Variants in PCDH15 observed in about 807,000 individuals in gnomAD.
The protein encoded by PCDH15 is protocadherin related 15.
In PCDH15, 129 loss-of-function variants were observed where a neutral mutation model predicts 178.5. The observed-to-expected ratio is 0.72, with a 90% confidence interval of 0.63 to 0.84. The LOEUF is 0.84. Among genes scored for constraint, PCDH15 ranks in the 40% least tolerant of loss-of-function variants. The probability of loss-of-function intolerance (pLI) is 0.00; values close to 1 mark genes in which losing one functional copy is unlikely to be tolerated. For synonymous variants in PCDH15, 800 were observed against 732.0 expected (o/e 1.09, Z -1.50); for missense variants, 2,230 against 2,099.9 (o/e 1.06, Z -1.21).
In PCDH15 at chr10:54,111,414, G is replaced by T. The variant is rs996200442; in HGVS notation, c.1918-21351C>A. ...TAGTTTAACTCTGTTCAATTAGAAA[G>T]GAAAAAAAAAATAACCAAGAAACAA... On this transcript the variant is annotated intron_variant, in intron 15 of 37. Transcript: ENST00000644397. Among the ~76,000 whole-genome samples the T allele has an allele frequency of 2.6e-5, 4 of 151,134 alleles. No individual in the cohort carries two copies. In the East Asian group the frequency reaches 7.7e-4, roughly 29 times the overall value.
intron 11 of PCDH15, 141 bp downstream of exon 11, chr10:54,195,542 T>C: frequency 2.9e-6 from 2 of 691,104 alleles, no homozygotes; most frequent in Non-Finnish European, 4.9e-6. Flanking sequence ...GTTTTGGAAT[T>C]AAATTATAAC....
intron 18 of PCDH15, among the ~76,000 whole-genome samples, chr10:54,056,045 A>G (rs940678765): frequency 1.3e-5 from 2 of 152,228 alleles, no homozygotes; most frequent in East Asian, 1.9e-4. Context: ...GAAATCCTTC[A>G]ATTCTCTTTT....
At chr10:55,613,812 C>T (rs1189884348) in intron 2 of PCDH15, among the ~76,000 whole-genome samples, 1 of 152,098 alleles carries the variant, frequency 6.6e-6, no homozygotes, top group East Asian at 1.9e-4. Context: ...TTACTGAATA[C>T]ATTTTTAGCC....
chr10:53,934,734 G>A (rs985021615), intron 25 of PCDH15, among the ~76,000 whole-genome samples: 1 of 151,990 alleles, frequency 6.6e-6, no homozygotes, highest in Non-Finnish European at 1.5e-5. Context: ...TCATGGCTAG[G>A]CCTGTTAAAA....
At chr10:55,173,781 C>T (rs532500504) in intron 1 of PCDH15, among the ~76,000 whole-genome samples, 46 of 152,096 alleles carry the variant, frequency 3.0e-4, no homozygotes, top group African/African-American at 1.1e-3. Flanking sequence ...TATCATTTTT[C>T]CTTTGCGTTT....
intron 37 of PCDH15, among the ~76,000 whole-genome samples, chr10:53,809,843 CTCTT>C (rs1379030686): frequency 6.6e-6 from 1 of 152,168 alleles, no homozygotes; most frequent in Non-Finnish European, 1.5e-5. Flanking sequence ...GAATTATTGT[CTCTT>C]CCTTCCTTCC....
At chr10:54,005,988 G>T (rs2092372492) in intron 20 of PCDH15, among the ~76,000 whole-genome samples, 1 of 152,112 alleles carries the variant, frequency 6.6e-6, no homozygotes, top group Admixed American at 6.6e-5. Context: ...AAAGAAGAAT[G>T]AGATCCTATA....
intron 1 of PCDH15, among the ~76,000 whole-genome samples, chr10:55,220,120 T>C (rs1011114751): frequency 6.6e-6 from 1 of 151,984 alleles, no homozygotes; most frequent in African/African-American, 2.4e-5. Flanking sequence ...CTTAAGGCCC[T>C]ATGTCTTATA....
At chr10:55,450,770 G>C (rs777779907) in intron 2 of PCDH15, among the ~76,000 whole-genome samples, 3 of 151,794 alleles carry the variant, frequency 2.0e-5, no homozygotes, top group Admixed American at 6.6e-5. Context: ...TCTTGTGTGA[G>C]CTCACATCAA....
At chr10:54,311,226 C>T (rs1172862956) in intron 8 of PCDH15, among the ~76,000 whole-genome samples, 1 of 152,006 alleles carries the variant, frequency 6.6e-6, no homozygotes, top group Admixed American at 6.6e-5. Context: ...CTGAAAACCA[C>T]ATGGTGCAAT....
intron 8 of PCDH15, among the ~76,000 whole-genome samples, chr10:54,289,239 TG>T (rs1319952435): frequency 3.3e-5 from 5 of 151,948 alleles, no homozygotes; most frequent in African/African-American, 1.2e-4. Context: ...GGGTCTGGAG[TG>T]GAACTCCAGC....
intron 1 of PCDH15, among the ~76,000 whole-genome samples, chr10:55,179,674 C>G (rs1839589284): frequency 6.6e-6 from 1 of 151,992 alleles, no homozygotes. Flanking sequence ...GCCTTACTCA[C>G]TCTCTGATTT....
chr10:54,611,268 T>C (rs2092951916), intron 2 of PCDH15, among the ~76,000 whole-genome samples: 1 of 151,808 alleles, frequency 6.6e-6, no homozygotes. Flanking sequence ...GTATCAGTAA[T>C]ATTGATGTTT....
intron 21 of PCDH15, among the ~76,000 whole-genome samples, chr10:53,982,145 G>T (rs1413096300): frequency 3.2e-4 from 48 of 152,022 alleles, no homozygotes; most frequent in Admixed American, 3.1e-3. Context: ...AGTTAGAATG[G>T]CAATCATTAA....
chr10:55,340,262 A>T (rs1053991669), intron 2 of PCDH15, among the ~76,000 whole-genome samples: 9 of 151,074 alleles, frequency 6.0e-5, no homozygotes, highest in African/African-American at 2.2e-4. Context: ...ATTACATTTC[A>T]TATATCTTAT....
intron 2 of PCDH15, among the ~76,000 whole-genome samples, chr10:55,121,364 G>C (rs1337840673): frequency 1.3e-5 from 2 of 150,002 alleles, no homozygotes; most frequent in African/African-American, 2.4e-5. Flanking sequence ...GAGCTGGGGG[G>C]GGGCAATTTG....
At chr10:54,264,732 A>G (rs1490854796) in intron 8 of PCDH15, among the ~76,000 whole-genome samples, 1 of 152,152 alleles carries the variant, frequency 6.6e-6, no homozygotes, top group African/African-American at 2.4e-5. Context: ...ATTTTTTAAA[A>G]AGACAAAGCC....
At chr10:54,184,501 C>G (rs2133810776) in intron 12 of PCDH15, among the ~76,000 whole-genome samples, 1 of 152,026 alleles carries the variant, frequency 6.6e-6, no homozygotes, top group Non-Finnish European at 1.5e-5. Flanking sequence ...TAAATATTTA[C>G]AATCACAACT....
At chr10:55,459,274 A>G (rs1371529523) in intron 2 of PCDH15, among the ~76,000 whole-genome samples, 1 of 151,390 alleles carries the variant, frequency 6.6e-6, no homozygotes. Flanking sequence ...ATCTTGCCAA[A>G]TATTCACGGT....
Sources: allele counts gnomAD v4.1 joint callset (sites outside exome capture counted in the v4.1 genomes callset), GRCh38; gene constraint gnomAD v4.1.1; transcripts MANE v1.5; gene names NCBI Gene and HGNC (gene_info 2026-07-23, HGNC 2026-07-21).